The following CUL4A variants were observed in gnomAD, a reference collection of about 807,000 sequenced individuals.
CUL4A encodes cullin-4A.
CUL4A carries 16 observed loss-of-function variants against 95.5 expected under a neutral mutation model. The ratio of observed to expected loss-of-function variants is 0.17; its 90% CI spans 0.11 to 0.25. The LOEUF (loss-of-function observed/expected upper bound fraction) is 0.25, where lower values mean the gene tolerates loss of function less well. Among genes scored for constraint, CUL4A ranks in the 10% least tolerant of loss-of-function variants. The pLI, the probability that CUL4A is intolerant of heterozygous loss-of-function variation, is 1.00. For synonymous variants in CUL4A, 380 were observed against 353.1 expected, an observed-to-expected ratio of 1.08 and a Z score of -0.85; for missense variants, 610 against 937.0, an observed-to-expected ratio of 0.65 and a Z score of 4.56.
rs557809520 is a variant in CUL4A, at chr13:113,240,437, C to T, written c.1035+886C>T. ...AGAACTGAGGCAGACATCAGGGCCC[C>T]TTCACAGATAGCTCGTGTTTTCAGG... On this transcript the variant is annotated intron_variant, in intron 10 of 19. Transcript: ENST00000375440. Among the ~76,000 whole-genome samples the T allele has an allele frequency of 3.6e-4, 55 of 152,344 alleles. No individual in the cohort carries two copies. In the South Asian group the frequency reaches 0.011, roughly 30 times the overall value.
intron 10 of CUL4A, among the ~76,000 whole-genome samples, chr13:113,242,104 C>T (rs925772706): frequency 6.6e-6 from 1 of 152,088 alleles, no homozygotes; most frequent in Non-Finnish European, 1.5e-5. Context: ...ATCATGAAGT[C>T]AAGAGATCAA....
At chr13:113,239,818 C>T (rs1469936472) in intron 10 of CUL4A, among the ~76,000 whole-genome samples, 1 of 152,218 alleles carries the variant, frequency 6.6e-6, no homozygotes, top group African/African-American at 2.4e-5. Flanking sequence ...TGCTCTTCTT[C>T]ATCAGCATAA....
chr13:113,236,209 G>T (rs569864142), intron 8 of CUL4A, among the ~76,000 whole-genome samples: 21 of 152,178 alleles, frequency 1.4e-4, no homozygotes, highest in Non-Finnish European at 2.4e-4. Flanking sequence ...TCACTTAGAC[G>T]TGTGGAGTTG....
intron 11 of CUL4A, 73 bp downstream of exon 11, chr13:113,243,233 T>C (rs2041769790): frequency 2.8e-6 from 4 of 1,434,902 alleles, no homozygotes; most frequent in Middle Eastern, 2.6e-4. Context: ...AATTTTTTAA[T>C]ATGGGAAAAT....
chr13:113,252,719 G>A (rs2042025990), intron 15 of CUL4A, among the ~76,000 whole-genome samples: 2 of 152,208 alleles, frequency 1.3e-5, no homozygotes, highest in Admixed American at 6.5e-5. Context: ...ACCAGCCGAG[G>A]CCAGGGCTGG....
chr13:113,219,004 G>A lies in CUL4A; in HGVS notation c.324G>A (p.Gln108=). ...CAATGCTCTACAAGCAACTGCGTCA[G>A]GCCTGTGAAGACCACGTCCAGGCAC... ...VSPMLYKQLR[Q]ACEDHVQAQI... is the part of the protein sequence containing the mutation. Residue 108 remains glutamine (Q), a synonymous_variant, in exon 3 of 20, where the codon CAG becomes CAA. Coordinates refer to ENST00000375440, the MANE Select transcript of CUL4A (RefSeq NM_001008895.4). 1 of 1,613,598 alleles carries A rather than the reference G, an allele frequency of 6.2e-7. No individual in the cohort carries two copies. The highest frequency in any genetic ancestry group is 8.5e-7 in the Non-Finnish European group (1 of 1,179,894).
chr13:113,234,343 T>A (rs1415872999), intron 7 of CUL4A, among the ~76,000 whole-genome samples: 1 of 151,986 alleles, frequency 6.6e-6, no homozygotes, highest in African/African-American at 2.4e-5. Context: ...CTGCAAAAAA[T>A]TTTCCCAAAA....
At chr13:113,245,869 A>C (rs1283846410) in intron 14 of CUL4A, 87 bp from the exon 15 acceptor site, 1 of 1,002,470 alleles carries the variant, frequency 1.0e-6, no homozygotes, top group South Asian at 1.6e-5. Flanking sequence ...GAAACTTTAT[A>C]TTGAAAATTA....
intron 10 of CUL4A, among the ~76,000 whole-genome samples, chr13:113,241,811 C>A (rs1489632474): frequency 6.6e-6 from 1 of 152,032 alleles, no homozygotes; most frequent in Non-Finnish European, 1.5e-5. Flanking sequence ...CTGCGCCCAG[C>A]CTTCTCTTGG....
At chr13:113,262,220 G>A (rs946077026) in intron 19 of CUL4A, among the ~76,000 whole-genome samples, 1 of 152,264 alleles carries the variant, frequency 6.6e-6, no homozygotes, top group Admixed American at 6.5e-5. Flanking sequence ...CAGAGCTGGA[G>A]TGGCTGTTCC....
chr13:113,231,398 A>C (rs2041304517), intron 5 of CUL4A, among the ~76,000 whole-genome samples: 1 of 152,184 alleles, frequency 6.6e-6, no homozygotes, highest in African/African-American at 2.4e-5. Flanking sequence ...ATCTCCTGCT[A>C]GTGATGGCTA....
In CUL4A at chr13:113,263,719, G is replaced by C; in HGVS notation, c.*137G>C. ...GCGAAGGAAGGGAGGTGGCTCCTGGGTCATCTTTCACAAGGCTCAAGACTT... is the reference window on the plus strand; with the variant it reads ...GCGAAGGAAGGGAGGTGGCTCCTGGCTCATCTTTCACAAGGCTCAAGACTT... On this transcript the variant is annotated 3_prime_UTR_variant, in exon 20 of 20. Transcript: ENST00000375440. The C allele has an allele frequency of 7.8e-6, 4 of 514,518 alleles. No homozygotes were observed. Among genetic ancestry groups the C allele is most frequent in the Non-Finnish European group, 1.4e-5 (4 of 289,450 alleles). The allele number at this position is 514,518 out of a possible 1,614,324, so 31.9% of individuals were successfully genotyped here. A position where few individuals can be genotyped will look rare whatever the true frequency, so the allele number is the denominator to read the frequency against.
intron 9 of CUL4A, among the ~76,000 whole-genome samples, chr13:113,237,146 G>A (rs1313302195): frequency 6.6e-6 from 1 of 152,168 alleles, no homozygotes; most frequent in African/African-American, 2.4e-5. Flanking sequence ...CAGACCTTCT[G>A]TACCACACTC....
At chr13:113,261,909 T>C (rs984165814) in intron 19 of CUL4A, among the ~76,000 whole-genome samples, 1 of 152,094 alleles carries the variant, frequency 6.6e-6, no homozygotes, top group Non-Finnish European at 1.5e-5. Flanking sequence ...GCCTCCTGAG[T>C]AGCTGGGCTT....
chr13:113,260,211 A>AAAAAAAAAAACAAAACAAAAC (rs1197388632), intron 18 of CUL4A, among the ~76,000 whole-genome samples: 1 of 119,510 alleles, frequency 8.4e-6, no homozygotes, highest in African/African-American at 3.6e-5. Flanking sequence ...CTCAAAAAAA[A>AAAAAAAAAAACAAAACAAAAC]AAAAAAAACC....
At position 113,229,479 on chromosome 13, in the gene CUL4A, C is replaced by T. The variant is rs1455912130; in HGVS notation, c.472C>T (p.Arg158Cys). 1 of 1,613,666 alleles carries T rather than the reference C, an allele frequency of 6.2e-7. No individual in the cohort carries two copies. Among genetic ancestry groups the T allele is most frequent in the Non-Finnish European group, 8.5e-7 (1 of 1,180,016 alleles). The change falls in exon 5 of 20, where the codon CGC becomes TGC. Residue 158 changes from arginine (R) to cysteine (C), a missense_variant. Arg to Cys is a radical substitution (Grantham distance 180). Around this residue, in one of 10 missense-constraint regions of CUL4A, gnomAD observed 4 missense variants for 19.2 expected, o/e 0.21. Transcript: ENST00000375440. ...CAGAAGCATCTTCCTGTTCTTGGAC[C>T]GCACCTATGTGCTGCAGAACTCCAC... ...MIRSIFLFLD[R>C]TYVLQNSTLP...
At chr13:113,223,265 A>T (rs1183467720) in intron 3 of CUL4A, among the ~76,000 whole-genome samples, 1 of 152,184 alleles carries the variant, frequency 6.6e-6, no homozygotes, top group Admixed American at 6.5e-5. Context: ...GGAAATGTTA[A>T]TGTGATGGCA....
intron 8 of CUL4A, among the ~76,000 whole-genome samples, chr13:113,235,679 TAC>T (rs1463465398): frequency 1.4e-4 from 22 of 152,072 alleles, no homozygotes; most frequent in African/African-American, 5.1e-4. Flanking sequence ...ATGAAAATGA[TAC>T]AGTGTGCAGC....
At chr13:113,251,668 G>A (rs1423709066) in intron 15 of CUL4A, among the ~76,000 whole-genome samples, 2 of 152,030 alleles carry the variant, frequency 1.3e-5, no homozygotes, top group African/African-American at 4.8e-5. Context: ...TCTCTTCCCT[G>A]CTCCCGTCAT....
Sources: allele counts gnomAD v4.1 joint callset (sites outside exome capture counted in the v4.1 genomes callset), GRCh38; gene constraint gnomAD v4.1.1; regional missense constraint gnomAD v4.1.1; transcripts MANE v1.5; gene names NCBI Gene and HGNC (gene_info 2026-07-23, HGNC 2026-07-21).